The following SETBP1 variants were observed in gnomAD, a reference collection of about 807,000 sequenced individuals.
The protein encoded by SETBP1 is SET-binding protein.
Under a neutral mutation model 101.0 loss-of-function variants are expected in SETBP1, and 9 were observed. That is an observed-to-expected ratio of 0.09 (90% CI 0.05 to 0.16). SETBP1 has a LOEUF of 0.16. SETBP1 is among the 10% of genes least tolerant of loss of function. The pLI, the probability that SETBP1 is intolerant of heterozygous loss-of-function variation, is 1.00. For missense variants in SETBP1, 1,858 were observed against 2,033.8 expected, an observed-to-expected ratio of 0.91 and a Z score of 1.66; for synonymous variants, 818 against 788.5, an observed-to-expected ratio of 1.04 and a Z score of -0.63.
intron 2 of SETBP1, among the ~76,000 whole-genome samples, chr18:44,798,867 A>T (rs941627538): frequency 1.3e-5 from 2 of 152,202 alleles, no homozygotes; most frequent in Non-Finnish European, 2.9e-5. Context: ...CATTATGTAG[A>T]GGTAAGTGTA....
chr18:44,809,178 A>G (rs2071808928), intron 2 of SETBP1, among the ~76,000 whole-genome samples: 1 of 152,192 alleles, frequency 6.6e-6, no homozygotes, highest in Non-Finnish European at 1.5e-5. Flanking sequence ...CTTTCAAACC[A>G]CAGCTTGATC....
rs183430757 is a variant in SETBP1, at chr18:44,840,538, A to G, written c.487-28692A>G. The stretch of plus-strand genomic sequence containing the variant: ...CTCAAGATTCATCCTTATGGTAATG[A>G]CATTTTACATCTTAAAATACACTTC... On this transcript the variant is annotated intron_variant, in intron 2 of 5. Transcript: ENST00000649279. Among the ~76,000 whole-genome samples, 513 of 152,324 alleles carry G rather than the reference A, an allele frequency of 3.4e-3. 2 individuals carry two copies. The highest frequency in any genetic ancestry group is 6.3e-3 in the Non-Finnish European group (428 of 68,024).
intron 2 of SETBP1, among the ~76,000 whole-genome samples, chr18:44,838,977 T>A (rs1599201229): frequency 1.3e-5 from 2 of 151,896 alleles, no homozygotes; most frequent in South Asian, 4.2e-4. Flanking sequence ...AAACTAATAA[T>A]CAGGCTCTCT....
At chr18:44,985,534 G>C (rs2072212406) in intron 4 of SETBP1, among the ~76,000 whole-genome samples, 1 of 152,208 alleles carries the variant, frequency 6.6e-6, no homozygotes, top group African/African-American at 2.4e-5. Flanking sequence ...AAGGAGCACA[G>C]TCTTATTTAT....
chr18:44,693,469 G>A (rs535824889), intron 1 of SETBP1, among the ~76,000 whole-genome samples: 89 of 152,172 alleles, frequency 5.8e-4, no homozygotes, highest in Non-Finnish European at 1.1e-3. Flanking sequence ...TCTGGTTTGC[G>A]ATGCTCAGGG....
chr18:44,706,165 A>C (rs2069212651), intron 2 of SETBP1, among the ~76,000 whole-genome samples: 3 of 152,140 alleles, frequency 2.0e-5, no homozygotes, highest in Admixed American at 6.5e-5. Flanking sequence ...GTTCTTTATC[A>C]TGGGACCAAC....
intron 3 of SETBP1, among the ~76,000 whole-genome samples, chr18:44,917,517 C>T (rs2070460095): frequency 6.6e-6 from 1 of 152,096 alleles, no homozygotes; most frequent in Admixed American, 6.5e-5. Flanking sequence ...ATCTAAATGC[C>T]CGACTTTGTG....
At chr18:44,995,573 G>GTGTGTGTA (rs59522693) in intron 4 of SETBP1, among the ~76,000 whole-genome samples, 1 of 144,242 alleles carries the variant, frequency 6.9e-6, no homozygotes, top group African/African-American at 2.5e-5. Context: ...GTGTGTGTGT[G>GTGTGTGTA]TATAAAATGT....
At chr18:44,757,579 T>C (rs956576059) in intron 2 of SETBP1, among the ~76,000 whole-genome samples, 7 of 152,232 alleles carry the variant, frequency 4.6e-5, no homozygotes, top group African/African-American at 9.6e-5. Context: ...ATTATGTTAG[T>C]AGCAATAGTG....
chr18:44,817,459 G>A (rs1266345493), intron 2 of SETBP1, among the ~76,000 whole-genome samples: 1 of 152,202 alleles, frequency 6.6e-6, no homozygotes, highest in Admixed American at 6.5e-5. Flanking sequence ...GCCGAGGCAG[G>A]CAAATCACCA....
At chr18:44,759,563 GC>G (rs1424627680) in intron 2 of SETBP1, among the ~76,000 whole-genome samples, 5 of 152,118 alleles carry the variant, frequency 3.3e-5, no homozygotes, top group Non-Finnish European at 7.4e-5. Context: ...CTCCATCTTA[GC>G]CTTACAGAGT....
intron 4 of SETBP1, among the ~76,000 whole-genome samples, chr18:44,978,763 A>C (rs955399582): frequency 6.6e-6 from 1 of 152,220 alleles, no homozygotes; most frequent in Non-Finnish European, 1.5e-5. Context: ...CCTGCACTGC[A>C]GACATGGGGT....
chr18:44,891,145 T>A (rs1268263479), intron 3 of SETBP1, among the ~76,000 whole-genome samples: 1 of 152,126 alleles, frequency 6.6e-6, no homozygotes, highest in African/African-American at 2.4e-5. Flanking sequence ...AAACTCTCCC[T>A]AATAGAACCA....
chr18:44,740,973 C>T (rs2070084579), intron 2 of SETBP1, among the ~76,000 whole-genome samples: 1 of 152,170 alleles, frequency 6.6e-6, no homozygotes, highest in Non-Finnish European at 1.5e-5. Flanking sequence ...CTATATCTTG[C>T]ATTGTGGACT....
chr18:44,709,872 G>C (rs1177448193), intron 2 of SETBP1, among the ~76,000 whole-genome samples: 1 of 145,176 alleles, frequency 6.9e-6, no homozygotes, highest in Non-Finnish European at 1.5e-5. Flanking sequence ...TTTATTTAGA[G>C]ATAGTTCAAA....
intron 3 of SETBP1, among the ~76,000 whole-genome samples, chr18:44,942,030 T>C (rs1365546360): frequency 6.6e-6 from 1 of 152,200 alleles, no homozygotes; most frequent in African/African-American, 2.4e-5. Context: ...CTATATAAAC[T>C]GATTTTGTTG....
At chr18:44,907,669 T>C (rs1458199643) in intron 3 of SETBP1, among the ~76,000 whole-genome samples, 1 of 152,232 alleles carries the variant, frequency 6.6e-6, no homozygotes, top group African/African-American at 2.4e-5. Context: ...AAGAAATATC[T>C]ATCCAAATCT....
intron 4 of SETBP1, among the ~76,000 whole-genome samples, chr18:45,018,010 G>C (rs2072983390): frequency 6.6e-6 from 1 of 152,176 alleles, no homozygotes; most frequent in Non-Finnish European, 1.5e-5. Context: ...TGACTTCTGG[G>C]AGCCTCAGTT....
chr18:44,971,454 G>A (rs1211326936), intron 4 of SETBP1, among the ~76,000 whole-genome samples: 4 of 152,142 alleles, frequency 2.6e-5, no homozygotes, highest in Admixed American at 6.5e-5. Flanking sequence ...TCGCCACACC[G>A]ACTTCCACAA....
Sources: allele counts gnomAD v4.1 joint callset (sites outside exome capture counted in the v4.1 genomes callset), GRCh38; gene constraint gnomAD v4.1.1; transcripts MANE v1.5; gene names NCBI Gene and HGNC (gene_info 2026-07-23, HGNC 2026-07-21).